The following CDKL2 variants were observed in gnomAD, a reference collection of about 807,000 sequenced individuals.
CDKL2 encodes the protein cyclin dependent kinase like 2.
A neutral mutation model predicts 63.9 loss-of-function variants in CDKL2; 64 were observed. The observed-to-expected ratio is 1.00, with a 90% CI of 0.82 to 1.23. The LOEUF (loss-of-function observed/expected upper bound fraction) is 1.23. Among genes scored for constraint, CDKL2 ranks in the 50% most tolerant of loss-of-function variants. The pLI is 0.00. For missense variants in CDKL2, 656 were observed against 668.0 expected, an observed-to-expected ratio of 0.98 and a Z score of 0.20; for synonymous variants, 211 against 229.2, an observed-to-expected ratio of 0.92 and a Z score of 0.72.
At chr4:75,589,125 G>A (rs947652249) in intron 12 of CDKL2, among the ~76,000 whole-genome samples, 1 of 152,046 alleles carries the variant, frequency 6.6e-6, no homozygotes, top group East Asian at 1.9e-4. Flanking sequence ...CATCTTTGTC[G>A]TTAGGGAAAT....
chr4:75,615,527 TCATTCAAGTAAAAGCATGAATGAG>T (rs1385604497), intron 2 of CDKL2, among the ~76,000 whole-genome samples: 1 of 152,146 alleles, frequency 6.6e-6, no homozygotes, highest in Non-Finnish European at 1.5e-5. Context: ...AACCAAACTG[TCATTCAAGTAAAAGCATGAATGAG>T]CATTCAAGTA....
chr4:75,605,507 G>A lies in CDKL2; in HGVS notation c.655+15C>T. 7.0e-7 allele frequency: 1 copy of A among 1,418,644 alleles called. No homozygotes were observed. The highest frequency in any genetic ancestry group is 2.3e-5 in the East Asian group (1 of 43,734). 87.9% of individuals were successfully genotyped at this position (1,418,644 alleles called of 1,614,324 possible). ...AAAAATCTCTAAAATTTAAAATGCA[G>A]ATGTGTAACCTTACCTAAACACATC... On this transcript the variant is annotated intron_variant, in intron 5 of 13. Coordinates refer to ENST00000307465, the MANE Select transcript of CDKL2 (RefSeq NM_001330724.2).
At chr4:75,591,676 C>G (rs1164759022) in intron 12 of CDKL2, 143 bp downstream of exon 12, 4 of 568,340 alleles carry the variant, frequency 7.0e-6, no homozygotes, top group Non-Finnish European at 1.2e-5. Flanking sequence ...TGCAATGAAT[C>G]AAACAACATT....
chr4:75,627,020 A>G (rs1276547642), intron 1 of CDKL2, among the ~76,000 whole-genome samples: 2 of 151,474 alleles, frequency 1.3e-5, no homozygotes, highest in Admixed American at 6.6e-5. Context: ...CCTGGCCAAC[A>G]TGGTGAAACC....
chr4:75,586,227 CTTTTTT>C (rs61087984), intron 12 of CDKL2, among the ~76,000 whole-genome samples: 6 of 145,232 alleles, frequency 4.1e-5, no homozygotes, highest in Non-Finnish European at 7.5e-5. Flanking sequence ...ACTAACCTTT[CTTTTTT>C]TTTTTTTTTT....
intron 10 of CDKL2, among the ~76,000 whole-genome samples, chr4:75,593,939 G>T (rs567466430): frequency 6.6e-6 from 1 of 151,910 alleles, no homozygotes; most frequent in Non-Finnish European, 1.5e-5. Flanking sequence ...GTTGTGAAAA[G>T]CATTCATTCA....
At chr4:75,619,553 C>T (rs903260095) in intron 2 of CDKL2, among the ~76,000 whole-genome samples, 15 of 127,974 alleles carry the variant, frequency 1.2e-4, no homozygotes, top group African/African-American at 4.4e-4. Flanking sequence ...AGACCTCCCA[C>T]ATGGTGATGG....
intron 2 of CDKL2, among the ~76,000 whole-genome samples, chr4:75,624,109 T>A (rs1488449414): frequency 7.6e-6 from 1 of 131,952 alleles, no homozygotes; most frequent in East Asian, 2.2e-4. Context: ...CCAGCCTAGA[T>A]GACAAGTGTG....
intron 2 of CDKL2, among the ~76,000 whole-genome samples, chr4:75,624,501 T>C (rs1021180378): frequency 6.7e-6 from 1 of 150,258 alleles, no homozygotes; most frequent in African/African-American, 2.5e-5. Context: ...CAGTGAGCCA[T>C]GATCATGCCA....
chr4:75,602,503 T>C (rs1729240868), intron 6 of CDKL2, among the ~76,000 whole-genome samples: 1 of 151,732 alleles, frequency 6.6e-6, no homozygotes, highest in Non-Finnish European at 1.5e-5. Flanking sequence ...TTTTAATATT[T>C]TCCTACTTCT....
intron 6 of CDKL2, among the ~76,000 whole-genome samples, chr4:75,601,440 C>A (rs1347257687): frequency 3.3e-5 from 5 of 152,050 alleles, no homozygotes; most frequent in Non-Finnish European, 7.4e-5. Flanking sequence ...AAGAAAATTT[C>A]TCTGCATAAC....
chr4:75,613,674 A>G (rs763733183), intron 3 of CDKL2, among the ~76,000 whole-genome samples: 8 of 152,348 alleles, frequency 5.3e-5, no homozygotes, highest in Non-Finnish European at 1.0e-4. Context: ...CAAACTAACA[A>G]ATACACAGAC....
intron 2 of CDKL2, among the ~76,000 whole-genome samples, chr4:75,622,861 G>A (rs1024177519): frequency 6.6e-6 from 1 of 151,332 alleles, no homozygotes; most frequent in Non-Finnish European, 1.5e-5. Context: ...TTCCTAGAGT[G>A]TTTATGAACA....
At chr4:75,602,340 C>T (rs573794337) in intron 6 of CDKL2, among the ~76,000 whole-genome samples, 5 of 152,240 alleles carry the variant, frequency 3.3e-5, no homozygotes, top group South Asian at 2.1e-4. Context: ...CCACCACGCC[C>T]AGCTAATTTT....
Position 75,577,521 on chromosome 4 carries a change from A to G in CDKL2, c.*1681T>C, listed in dbSNP as rs889816686. Among the ~76,000 whole-genome samples the G allele has an allele frequency of 6.6e-6, 1 of 152,202 alleles. No homozygotes were observed. Among genetic ancestry groups the G allele is most frequent in the African/African-American group, 2.4e-5 (1 of 41,458 alleles). On this transcript the variant is annotated 3_prime_UTR_variant, in exon 14 of 14. Coordinates refer to ENST00000307465, the MANE Select transcript of CDKL2 (RefSeq NM_001330724.2). Reference sequence around the variant, plus strand: ...CAAGGCAATTGATCCTAGAACCTCAACCATTGAGCTGATATTCTCACACTG... The same window carrying G: ...CAAGGCAATTGATCCTAGAACCTCAGCCATTGAGCTGATATTCTCACACTG...
In CDKL2 at chr4:75,605,645, A is replaced by G; in HGVS notation, c.543-11T>C. 1 of 1,579,344 alleles carries G rather than the reference A, an allele frequency of 6.3e-7. No homozygotes were observed. The highest frequency in any genetic ancestry group is 8.7e-7 in the Non-Finnish European group (1 of 1,148,802). ...CACACATCAACAGCCCTGAAAGAAA[A>G]GCAATGTGGTGTAAAATCTGGCATC... On this transcript the variant is annotated splice_polypyrimidine_tract_variant and intron_variant, in intron 4 of 13. Transcript: ENST00000307465.
intron 12 of CDKL2, among the ~76,000 whole-genome samples, chr4:75,584,763 G>A (rs770039886): frequency 3.9e-5 from 6 of 152,140 alleles, no homozygotes; most frequent in African/African-American, 7.2e-5. Flanking sequence ...TTCATGTCCT[G>A]AGCAGAACAG....
chr4:75,602,166 T>C (rs1003309511), intron 6 of CDKL2, among the ~76,000 whole-genome samples: 1 of 136,048 alleles, frequency 7.4e-6, no homozygotes, highest in Non-Finnish European at 1.6e-5. Context: ...CATTTTGTTT[T>C]TTTTTTGTTG....
chr4:75,581,853 G>A lies in CDKL2; in HGVS notation c.1693C>T (p.Gln565Ter), dbSNP rs557187732. 9.3e-6 allele frequency: 15 copies of A among 1,612,672 alleles called. No homozygotes were observed. In the Middle Eastern group the frequency reaches 6.6e-4, roughly 71 times the overall value. The change falls in exon 13 of 14, where the codon CAA becomes TAA. Residue 565 changes from glutamine to a stop codon, truncating the protein, a stop_gained. Transcript: ENST00000307465. LOFTEE classifies it high-confidence loss of function. Reference protein sequence around the residue: ...LSDDSGADLPQMEHQH With the variant: ...LSDDSGADLP ...GGTTCTCAGTGCTGGTGTTCCATTTGAGGCAAATCAGCCCCTGAATCATCT... is the reference window on the plus strand; with the variant it reads ...GGTTCTCAGTGCTGGTGTTCCATTTAAGGCAAATCAGCCCCTGAATCATCT...
Sources: allele counts gnomAD v4.1 joint callset (sites outside exome capture counted in the v4.1 genomes callset), GRCh38; gene constraint gnomAD v4.1.1; transcripts MANE v1.5; gene names NCBI Gene and HGNC (gene_info 2026-07-23, HGNC 2026-07-21).